TOX: variants seen among roughly 807,000 people sequenced by gnomAD.
The protein encoded by TOX is thymocyte selection-associated high mobility group box protein TOX.
In TOX, 11 loss-of-function variants were observed where a neutral mutation model predicts 53.7. The observed-to-expected ratio is 0.20, with a 90% CI of 0.13 to 0.34. The LOEUF (loss-of-function observed/expected upper bound fraction) is 0.34, where lower values mean the gene tolerates loss of function less well. Ranked by LOEUF, TOX falls within the 10% of genes least tolerant of loss-of-function variation. TOX has a pLI of 1.00. For missense variants in TOX, 570 were observed against 664.6 expected, an observed-to-expected ratio of 0.86 and a Z score of 1.56; for synonymous variants, 225 against 245.3, an observed-to-expected ratio of 0.92 and a Z score of 0.77.
intron 3 of TOX, among the ~76,000 whole-genome samples, chr8:58,882,419 G>A (rs1251325093): frequency 2.6e-5 from 4 of 152,144 alleles, no homozygotes; most frequent in Non-Finnish European, 5.9e-5. Context: ...ATTTCTTAGT[G>A]GTCCAAATTT....
At chr8:58,953,822 A>T (rs1812665499) in intron 2 of TOX, among the ~76,000 whole-genome samples, 1 of 152,228 alleles carries the variant, frequency 6.6e-6, no homozygotes, top group South Asian at 2.1e-4. Flanking sequence ...TTTATGTCAC[A>T]ATCAACATGG....
intron 4 of TOX, among the ~76,000 whole-genome samples, chr8:58,846,397 T>C (rs185632784): frequency 9.7e-4 from 148 of 152,238 alleles, no homozygotes; most frequent in Non-Finnish European, 1.8e-3. Flanking sequence ...TTCTGTCCCA[T>C]TGCTAGTTAG....
At chr8:59,094,571 A>C (rs1804681853) in intron 1 of TOX, among the ~76,000 whole-genome samples, 1 of 151,602 alleles carries the variant, frequency 6.6e-6, no homozygotes, top group African/African-American at 2.4e-5. Context: ...TGGGGTTTTC[A>C]TTATTATATT....
At chr8:58,934,522 CT>C (rs1812313284) in intron 3 of TOX, among the ~76,000 whole-genome samples, 3 of 152,138 alleles carry the variant, frequency 2.0e-5, no homozygotes, top group Non-Finnish European at 4.4e-5. Context: ...CAAAAAGTTA[CT>C]CACGGTCACA....
intron 2 of TOX, among the ~76,000 whole-genome samples, chr8:58,944,381 TAGAG>T (rs1165782651): frequency 1.3e-5 from 2 of 152,244 alleles, no homozygotes; most frequent in African/African-American, 2.4e-5. Flanking sequence ...GGTTCTATAA[TAGAG>T]AGTCAATTAC....
intron 1 of TOX, among the ~76,000 whole-genome samples, chr8:59,012,601 C>T (rs1467454100): frequency 6.6e-6 from 1 of 152,060 alleles, no homozygotes; most frequent in South Asian, 2.1e-4. Flanking sequence ...TGTTTTGTCT[C>T]TAGAAAAGGC....
chr8:58,888,642 T>A (rs1022238485), intron 3 of TOX, among the ~76,000 whole-genome samples: 1 of 151,636 alleles, frequency 6.6e-6, no homozygotes, highest in African/African-American at 2.4e-5. Context: ...CACTAATAGA[T>A]GCCAAAATTT....
chr8:58,870,163 C>G (rs1170641609), intron 3 of TOX, among the ~76,000 whole-genome samples: 1 of 151,864 alleles, frequency 6.6e-6, no homozygotes, highest in Non-Finnish European at 1.5e-5. Context: ...ACATAATTGT[C>G]TATGTAGAAA....
chr8:58,986,331 C>T (rs576130231), intron 1 of TOX, among the ~76,000 whole-genome samples: 14 of 152,174 alleles, frequency 9.2e-5, no homozygotes, highest in South Asian at 2.1e-4. Flanking sequence ...ACTCCCAGTC[C>T]GCAAATTCAG....
At chr8:59,080,369 C>A (rs1454692824) in intron 1 of TOX, among the ~76,000 whole-genome samples, 5 of 152,090 alleles carry the variant, frequency 3.3e-5, no homozygotes, top group African/African-American at 1.2e-4. Flanking sequence ...AAGTAACTAC[C>A]TTGTTCTATA....
intron 2 of TOX, among the ~76,000 whole-genome samples, chr8:58,949,815 T>C (rs915469092): frequency 9.2e-5 from 14 of 151,380 alleles, no homozygotes; most frequent in Non-Finnish European, 1.5e-4. Flanking sequence ...TGTTGGGCTC[T>C]TTCTATATGT....
intron 7 of TOX, among the ~76,000 whole-genome samples, chr8:58,808,685 G>A (rs1465840464): frequency 6.6e-6 from 1 of 152,184 alleles, no homozygotes; most frequent in Non-Finnish European, 1.5e-5. Context: ...GATTCAGGCA[G>A]CAGGTGGCTG....
intron 5 of TOX, among the ~76,000 whole-genome samples, chr8:58,827,197 A>G (rs1321517296): frequency 2.0e-5 from 3 of 152,148 alleles, no homozygotes; most frequent in Non-Finnish European, 4.4e-5. Flanking sequence ...TTACAAAGAT[A>G]CTATTGATGA....
rs967448321 is a variant in TOX at position 59,118,780 on chromosome 8, C to G, written c.102+106G>C. On this transcript the variant is annotated intron_variant, in intron 1 of 8. Transcript: ENST00000361421. This position sits in a 1 kb window ranked among gnomAD's most constrained non-coding sequence, Gnocchi z 4.1. ...CAGCGGGCTGCGAGCCGAGCGCGCC[C>G]GGGACCGGCCTCCGCCAAGCCGGCC... 4 of 724,748 alleles carry G rather than the reference C, an allele frequency of 5.5e-6. No homozygotes were observed. Among genetic ancestry groups the G allele is most frequent in the Non-Finnish European group, 8.3e-6 (4 of 479,588 alleles). The allele number at this position is 724,748 out of a possible 1,614,324, so 44.9% of individuals were successfully genotyped here. A position where few individuals can be genotyped will look rare whatever the true frequency, so the allele number is the denominator to read the frequency against.
intron 5 of TOX, among the ~76,000 whole-genome samples, chr8:58,832,417 G>A (rs1441154910): frequency 6.6e-6 from 1 of 151,952 alleles, no homozygotes; most frequent in Non-Finnish European, 1.5e-5. Flanking sequence ...AAATGGCCAA[G>A]ATAAACACAT....
At chr8:58,885,917 A>G (rs1811459630) in intron 3 of TOX, among the ~76,000 whole-genome samples, 1 of 152,132 alleles carries the variant, frequency 6.6e-6, no homozygotes, top group Non-Finnish European at 1.5e-5. Context: ...ATTCACAACA[A>G]CAGGGGTTTT....
intron 3 of TOX, among the ~76,000 whole-genome samples, chr8:58,899,985 G>C (rs959275391): frequency 1.3e-5 from 2 of 151,316 alleles, no homozygotes; most frequent in East Asian, 3.9e-4. Flanking sequence ...TTTTTAGTTG[G>C]ACTCTAAGAT....
intron 1 of TOX, among the ~76,000 whole-genome samples, chr8:59,010,450 C>T (rs1452902644): frequency 2.0e-5 from 3 of 152,104 alleles, no homozygotes; most frequent in Admixed American, 6.5e-5. Flanking sequence ...TTAAGAGTGA[C>T]GAGGCCAACG....
intron 1 of TOX, among the ~76,000 whole-genome samples, chr8:59,064,332 C>T (rs977190072): frequency 7.2e-5 from 11 of 152,224 alleles, no homozygotes; most frequent in East Asian, 3.9e-4. Flanking sequence ...TATAATCTGT[C>T]GTCCTCTAGT....
Sources: gnomAD v4.1 joint callset for allele counts (sites outside exome capture counted in the v4.1 genomes callset) on GRCh38, gnomAD v4.1.1 for gene constraint, Gnocchi (gnomAD v3.1) non-coding constraint, MANE v1.5 for transcripts, NCBI Gene and HGNC (gene_info 2026-07-23, HGNC 2026-07-21) for gene names.